KCNIP4: variants seen among roughly 807,000 people sequenced by gnomAD.
KCNIP4 encodes the protein potassium voltage-gated channel interacting protein 4.
KCNIP4 carries 12 observed loss-of-function variants against 34.0 expected under a neutral mutation model. The observed-to-expected ratio is 0.35, with a 90% CI of 0.23 to 0.57. The LOEUF (loss-of-function observed/expected upper bound fraction) is 0.57, where lower values mean the gene tolerates loss of function less well. Among genes scored for constraint, KCNIP4 ranks in the 20% least tolerant of loss-of-function variants. The pLI is 0.83. For missense variants in KCNIP4, 238 were observed against 311.7 expected (o/e 0.76, Z 1.78); for synonymous variants, 124 against 102.2 (o/e 1.21, Z -1.29).
intron 1 of KCNIP4, among the ~76,000 whole-genome samples, chr4:21,694,758 A>G (rs990862474): frequency 6.6e-6 from 1 of 151,992 alleles, no homozygotes; most frequent in East Asian, 1.9e-4. Context: ...GTATCCACAA[A>G]AATTTCTTTG....
chr4:21,095,862 T>C (rs1747419042), intron 1 of KCNIP4, among the ~76,000 whole-genome samples: 2 of 152,204 alleles, frequency 1.3e-5, no homozygotes, highest in Admixed American at 6.6e-5. Flanking sequence ...TTAGTTGTTA[T>C]GCACTGCTGC....
At chr4:21,091,154 A>C (rs73802463) in intron 1 of KCNIP4, among the ~76,000 whole-genome samples, 3,323 of 152,236 alleles carry the variant, frequency 0.022, 137 homozygotes, top group African/African-American at 0.075. Context: ...AAAAATATAT[A>C]TTTGCCCATC....
At chr4:21,894,443 T>C (rs929086543) in intron 1 of KCNIP4, among the ~76,000 whole-genome samples, 1 of 152,184 alleles carries the variant, frequency 6.6e-6, no homozygotes, top group Non-Finnish European at 1.5e-5. Context: ...GTATGGTTCA[T>C]TAATTCCTAC....
chr4:21,531,327 C>G lies in KCNIP4; in HGVS notation c.61+417244G>C, dbSNP rs1402087569. On this transcript the variant is annotated intron_variant, in intron 1 of 8. Coordinates refer to ENST00000382152, the MANE Select transcript of KCNIP4 (RefSeq NM_025221.6). ...CTCTTTTCTTCCTTCCTTCCTTCCT[C>G]CCTCCCTCCCTTCCCCTCCCCCTCC... is the stretch of plus-strand genomic sequence containing the variant. Among the ~76,000 whole-genome samples the G allele has an allele frequency of 2.7e-5, 3 of 111,042 alleles. No homozygotes were observed. In the East Asian group the frequency reaches 9.4e-4, roughly 35 times the overall value. The allele number at this position is 111,042 out of a possible 152,430, so 72.8% of individuals were successfully genotyped here.
intron 1 of KCNIP4, among the ~76,000 whole-genome samples, chr4:21,567,108 T>A (rs1400711483): frequency 6.6e-6 from 1 of 152,182 alleles, no homozygotes; most frequent in East Asian, 1.9e-4. Flanking sequence ...AATTATCTCC[T>A]ATAATCACTA....
intron 1 of KCNIP4, among the ~76,000 whole-genome samples, chr4:20,909,527 C>G (rs1259778203): frequency 6.6e-6 from 1 of 152,196 alleles, no homozygotes; most frequent in Non-Finnish European, 1.5e-5. Context: ...CCAGTGAATG[C>G]TTCCATTAGG....
chr4:21,914,872 G>C (rs540410283), intron 1 of KCNIP4, among the ~76,000 whole-genome samples: 1 of 152,248 alleles, frequency 6.6e-6, no homozygotes, highest in African/African-American at 2.4e-5. Flanking sequence ...TGAATGAATG[G>C]ATGGATGAGC....
At chr4:20,825,628 C>T (rs1162528247) in intron 3 of KCNIP4, among the ~76,000 whole-genome samples, 1 of 152,150 alleles carries the variant, frequency 6.6e-6, no homozygotes, top group Non-Finnish European at 1.5e-5. Context: ...CAGAGCTAGG[C>T]AGGCATGACC....
rs777273149 is a variant in KCNIP4, at chr4:21,303,947, GCTC to G, written c.62-421241_62-421239del. 5 of 1,604,770 alleles carry G rather than the reference GCTC, an allele frequency of 3.1e-6. No individual in the cohort carries two copies. The African/African-American group carries it at 5.4e-5, about 17-fold the overall frequency. ...GGTCCGACCACAGCCACTGAGAAGTGCTCCTCTGCCTGGCTTTCTTTGTAAAGC... is the reference window on the plus strand; with the variant it reads ...GGTCCGACCACAGCCACTGAGAAGTGCTCTGCCTGGCTTTCTTTGTAAAGC... On this transcript the variant is annotated intron_variant, in intron 1 of 8. Coordinates refer to ENST00000382152, the MANE Select transcript of KCNIP4 (RefSeq NM_025221.6).
At chr4:21,889,268 G>A (rs2109398506) in intron 1 of KCNIP4, among the ~76,000 whole-genome samples, 1 of 151,776 alleles carries the variant, frequency 6.6e-6, no homozygotes, top group South Asian at 2.1e-4. Flanking sequence ...ATTATCCTTG[G>A]GCTATGTATA....
intron 1 of KCNIP4, among the ~76,000 whole-genome samples, chr4:21,450,464 C>T (rs1193365308): frequency 6.6e-6 from 1 of 152,092 alleles, no homozygotes; most frequent in East Asian, 1.9e-4. Flanking sequence ...ATACTTTAGA[C>T]TTTCCGTAGG....
At chr4:21,868,075 T>C (rs1242882806) in intron 1 of KCNIP4, among the ~76,000 whole-genome samples, 2 of 152,170 alleles carry the variant, frequency 1.3e-5, no homozygotes, top group African/African-American at 4.8e-5. Context: ...GCTCCTAGTA[T>C]AACCAGAGGG....
chr4:21,939,036 T>C (rs1236465325), intron 1 of KCNIP4, among the ~76,000 whole-genome samples: 1 of 152,184 alleles, frequency 6.6e-6, no homozygotes, highest in Non-Finnish European at 1.5e-5. Flanking sequence ...CATTGAGATC[T>C]AAAATTTTGC....
At position 21,171,652 on chromosome 4, in the gene KCNIP4, A is replaced by T. The variant is rs73805038; in HGVS notation, c.62-288943T>A. On this transcript the variant is annotated intron_variant, in intron 1 of 8. Transcript: ENST00000382152. The stretch of plus-strand genomic sequence containing the variant: ...TGGATTTGGGAACACCTGGATTTGA[A>T]TCCTGCCCTTCTTTTTAGCTTGGTG... Among the ~76,000 whole-genome samples, 604 of 152,256 alleles carry T rather than the reference A, an allele frequency of 4.0e-3. 4 individuals carry two copies. Among genetic ancestry groups the T allele is most frequent in the African/African-American group, 0.013 (542 of 41,570 alleles).
At chr4:21,571,063 C>T (rs1300571337) in intron 1 of KCNIP4, among the ~76,000 whole-genome samples, 1 of 152,142 alleles carries the variant, frequency 6.6e-6, no homozygotes, top group East Asian at 1.9e-4. Flanking sequence ...AAAATATTGT[C>T]ATCCATGAGG....
intron 1 of KCNIP4, among the ~76,000 whole-genome samples, chr4:21,093,289 G>A (rs1747158968): frequency 6.6e-6 from 1 of 152,176 alleles, no homozygotes; most frequent in South Asian, 2.1e-4. Flanking sequence ...AGGAAAATGA[G>A]TTACCTTCCT....
intron 3 of KCNIP4, among the ~76,000 whole-genome samples, chr4:20,809,200 T>A (rs1715430600): frequency 6.6e-6 from 1 of 152,128 alleles, no homozygotes; most frequent in Non-Finnish European, 1.5e-5. Context: ...TCTTAGCAAA[T>A]CATTGGGAAT....
At chr4:21,720,493 G>A (rs575879201) in intron 1 of KCNIP4, among the ~76,000 whole-genome samples, 12 of 149,220 alleles carry the variant, frequency 8.0e-5, no homozygotes, top group Admixed American at 2.0e-4. Context: ...AGAATGACTC[G>A]GAGCTGTTGT....
intron 1 of KCNIP4, among the ~76,000 whole-genome samples, chr4:21,898,317 A>G (rs1433360998): frequency 6.6e-6 from 1 of 152,094 alleles, no homozygotes; most frequent in East Asian, 1.9e-4. Flanking sequence ...CAGCCAAGGG[A>G]ATGATTGCAT....
Sources: allele counts gnomAD v4.1 joint callset (sites outside exome capture counted in the v4.1 genomes callset), GRCh38; gene constraint gnomAD v4.1.1; transcripts MANE v1.5; gene names NCBI Gene and HGNC (gene_info 2026-07-23, HGNC 2026-07-21).